Variants in C11orf65 observed in about 807,000 individuals in gnomAD.
C11orf65 encodes the protein chromosome 11 open reading frame 65.
C11orf65 carries 38 observed loss-of-function variants against 35.3 expected under a neutral mutation model. That is an observed-to-expected ratio of 1.08 (90% CI 0.83 to 1.41). The LOEUF (loss-of-function observed/expected upper bound fraction) is 1.41. Among genes scored for constraint, C11orf65 ranks in the 40% most tolerant of loss-of-function variants. C11orf65 has a pLI of 0.00. For synonymous variants in C11orf65, 105 were observed against 114.4 expected, an observed-to-expected ratio of 0.92 and a Z score of 0.53; for missense variants, 370 against 367.1, an observed-to-expected ratio of 1.01 and a Z score of -0.06.
chr11:108,461,526 GCTTT>G lies in C11orf65; in HGVS notation c.30_33del (p.Lys11ArgfsTer27). On this transcript the variant is annotated frameshift_variant, in exon 2 of 9. Transcript: ENST00000393084. LOFTEE classifies it high-confidence loss of function. ...TGAATGACTCTGGCAGCCTTATCCT[GCTTT>G]GTAAATTCTGATTCCTCTTTCCAAG... is the stretch of plus-strand genomic sequence containing the variant. 6.2e-7 allele frequency: 1 copy of G among 1,609,608 alleles called. No homozygotes were observed. Among genetic ancestry groups the G allele is most frequent in the Non-Finnish European group, 8.5e-7 (1 of 1,177,900 alleles).
chr11:108,327,752 A>G, downstream of C11orf65: 1 of 1,612,882 alleles, frequency 6.2e-7, no homozygotes, highest in South Asian at 1.1e-5. Context: ...AGACCTATCT[A>G]GAAAAGGTAA....
intron 1 of C11orf65, among the ~76,000 whole-genome samples, chr11:108,464,624 C>T (rs1222408836): frequency 6.6e-6 from 1 of 151,938 alleles, no homozygotes; most frequent in Non-Finnish European, 1.5e-5. Flanking sequence ...CCTCCCAAAG[C>T]GCTGGGATTA....
At chr11:108,360,712 T>C (rs1448264328) in intron 2 of C11orf65, among the ~76,000 whole-genome samples, 2 of 144,126 alleles carry the variant, frequency 1.4e-5, no homozygotes, top group Admixed American at 7.0e-5. Flanking sequence ...ATTATCTCAA[T>C]AGATGCAGAA....
Position 108,322,821 on chromosome 11 carries a change from G to GA in C11orf65, c.641-13751_641-13750insT, listed in dbSNP as rs1446166835. 2.2e-4 allele frequency among the ~76,000 whole-genome samples: 33 copies of GA among 151,694 alleles called. No homozygotes were observed. In the East Asian group the frequency reaches 6.0e-3, roughly 28 times the overall value. On this transcript the variant is annotated intron_variant, in intron 6 of 6. Transcript: ENST00000525729. ...GTTTCCTCATGTTTTTGCACAGCAT[G>GA]TTACACTCCATTCGGTTTTAGCACT...
intron 6 of C11orf65, among the ~76,000 whole-genome samples, chr11:108,404,265 C>T (rs1471840060): frequency 6.6e-6 from 1 of 152,332 alleles, no homozygotes; most frequent in African/African-American, 2.4e-5. Flanking sequence ...TATGGAACTT[C>T]CTGTGAGTCC....
intron 7 of C11orf65, among the ~76,000 whole-genome samples, chr11:108,389,134 T>A (rs1348188118): frequency 4.6e-5 from 7 of 152,252 alleles, no homozygotes; most frequent in Admixed American, 2.6e-4. Context: ...GAAGGATACT[T>A]TCCAAGGAAT....
chr11:108,317,616 TATATATATA>T, intron 6 of C11orf65: 1 of 9,618 alleles, frequency 1.0e-4, no homozygotes, highest in Non-Finnish European at 2.6e-4. Context: ...GGAGTTGTTT[TATATATATA>T]TATATATATA....
rs771258778 is a variant in C11orf65 at position 108,431,855 on chromosome 11, A to G, written c.82-17T>C. ...AGCGACATTCTAAAGGTTCAAACAC[A>G]AGATTTCATGATCAAAACTGGATTT... On this transcript the variant is annotated splice_polypyrimidine_tract_variant and intron_variant, in intron 2 of 8. Transcript: ENST00000393084. 50 of 1,398,530 alleles carry G rather than the reference A, an allele frequency of 3.6e-5. 1 individual carries two copies. In the East Asian group the frequency reaches 1.1e-3, roughly 32 times the overall value. 86.6% of individuals were successfully genotyped at this position (1,398,530 alleles called of 1,614,324 possible).
intron 3 of C11orf65, among the ~76,000 whole-genome samples, chr11:108,425,627 C>T (rs2092889987): frequency 6.6e-6 from 1 of 152,116 alleles, no homozygotes; most frequent in Non-Finnish European, 1.5e-5. Flanking sequence ...AAAAGAGGGG[C>T]TACTCCCTAA....
In C11orf65 at chr11:108,405,316, G is replaced by C; in HGVS notation, c.560+113C>G. ...TCATCTGTCGTTTGGGTCAGGGTCT[G>C]CGGGCAGACCCCCTGCAGCTAATGC... On this transcript the variant is annotated intron_variant, in intron 6 of 8. Transcript: ENST00000393084. 4 of 1,073,448 alleles carry C rather than the reference G, an allele frequency of 3.7e-6. No individual in the cohort carries two copies. The East Asian group carries it at 9.9e-5, about 26-fold the overall frequency. 66.5% of individuals were successfully genotyped at this position (1,073,448 alleles called of 1,614,324 possible). A position where few individuals can be genotyped will look rare whatever the true frequency, so the allele number is the denominator to read the frequency against.
At chr11:108,386,085 C>T in intron 7 of C11orf65, 110 bp from the exon 8 acceptor site, 1 of 842,514 alleles carries the variant, frequency 1.2e-6, no homozygotes, top group Non-Finnish European at 1.9e-6. Flanking sequence ...ATGGCATGTT[C>T]ACTAGCCTCC....
chr11:108,451,550 G>A (rs1280514307), intron 2 of C11orf65, among the ~76,000 whole-genome samples: 3 of 151,882 alleles, frequency 2.0e-5, no homozygotes, highest in Non-Finnish European at 4.4e-5. Context: ...TGGGTAGGAA[G>A]AATCAATATT....
rs2091897344 is a variant in C11orf65 at position 108,383,014 on chromosome 11, A to G, written c.*7T>C. The G allele has an allele frequency of 1.2e-6, 2 of 1,610,958 alleles. No individual in the cohort carries two copies. Among genetic ancestry groups the G allele is most frequent in the East Asian group, 4.5e-5 (2 of 44,768 alleles). On this transcript the variant is annotated 3_prime_UTR_variant, in exon 9 of 9. Transcript: ENST00000393084. ...AGGGCTATAACTCAGAATAGAAATA[A>G]AGTACTTTATAGTCCATAAGTAGAA...
At chr11:108,327,748 ATCTAGAAAAGG>A, downstream of C11orf65, 1 of 1,613,572 alleles carries the variant, frequency 6.2e-7, no homozygotes, top group Non-Finnish European at 8.5e-7. Context: ...ATGCAGACCT[ATCTAGAAAAGG>A]TAAGATTTTT....
chr11:108,320,575 T>C (rs2085132098), intron 6 of C11orf65, among the ~76,000 whole-genome samples: 1 of 152,222 alleles, frequency 6.6e-6, no homozygotes, highest in African/African-American at 2.4e-5. Context: ...TTAGACTCTT[T>C]TCATATGTAT....
chr11:108,312,648 T>C (rs2084275918), intron 6 of C11orf65: 1 of 627,200 alleles, frequency 1.6e-6, no homozygotes, highest in Admixed American at 2.9e-5. Context: ...GGTCTGAAGC[T>C]TAAGCCTTAG....
At chr11:108,396,834 A>AAAAT (rs370728924) in intron 6 of C11orf65, among the ~76,000 whole-genome samples, 51,829 of 137,124 alleles carry the variant, frequency 0.38, 10,249 homozygotes, top group South Asian at 0.47. Flanking sequence ...ACTCCGTCTT[A>AAAAT]AAATAAATAA....
At chr11:108,459,140 C>T (rs2093441523) in intron 2 of C11orf65, among the ~76,000 whole-genome samples, 1 of 152,106 alleles carries the variant, frequency 6.6e-6, no homozygotes, top group African/African-American at 2.4e-5. Flanking sequence ...CTCTCAAATA[C>T]CAAAATTAAG....
chr11:108,357,422 T>G lies in C11orf65; in HGVS notation c.227-22130A>C, dbSNP rs535484904. ...TAGGTAAACAAAGCAGCCGGGAAGCTCGAACTGGGTGGAACCCACCACAGC... is the reference window on the plus strand; with the variant it reads ...TAGGTAAACAAAGCAGCCGGGAAGCGCGAACTGGGTGGAACCCACCACAGC... On this transcript the variant is annotated intron_variant, in intron 2 of 3. Transcript: ENST00000524755. 7.0e-4 allele frequency among the ~76,000 whole-genome samples: 107 copies of G among 152,286 alleles called. 1 individual carries two copies. The highest frequency in any genetic ancestry group is 2.4e-3 in the African/African-American group (101 of 41,560).
Sources: allele counts gnomAD v4.1 joint callset (sites outside exome capture counted in the v4.1 genomes callset), GRCh38; gene constraint gnomAD v4.1.1; transcripts MANE v1.5; gene names NCBI Gene and HGNC (gene_info 2026-07-23, HGNC 2026-07-21).